ARHGAP15: variants seen among roughly 807,000 people sequenced by gnomAD.
ARHGAP15 encodes the protein rho GTPase-activating protein 15.
ARHGAP15 carries 51 observed loss-of-function variants against 63.7 expected under a neutral mutation model. The ratio of observed to expected loss-of-function variants is 0.80; its 90% CI spans 0.64 to 1.01. The LOEUF (loss-of-function observed/expected upper bound fraction) is 1.01, where lower values mean the gene tolerates loss of function less well. ARHGAP15 is among the 50% of genes least tolerant of loss of function. ARHGAP15 has a pLI of 0.00. For missense variants in ARHGAP15, 560 were observed against 564.6 expected (o/e 0.99, Z 0.08); for synonymous variants, 191 against 193.8 (o/e 0.99, Z 0.12).
At chr2:143,289,573 G>A (rs951785875) in intron 6 of ARHGAP15, among the ~76,000 whole-genome samples, 3 of 152,146 alleles carry the variant, frequency 2.0e-5, no homozygotes, top group Non-Finnish European at 2.9e-5. Context: ...TTGGAAAGCA[G>A]GGCACAGGCT....
At chr2:143,238,619 G>A (rs1320980489) in intron 5 of ARHGAP15, among the ~76,000 whole-genome samples, 2 of 152,206 alleles carry the variant, frequency 1.3e-5, no homozygotes, top group African/African-American at 4.8e-5. Context: ...TCTGATCATT[G>A]TGGAAGACAC....
At chr2:143,195,697 G>A (rs1171985091) in intron 2 of ARHGAP15, among the ~76,000 whole-genome samples, 2 of 152,114 alleles carry the variant, frequency 1.3e-5, no homozygotes, top group Non-Finnish European at 2.9e-5. Context: ...CTAATGGGAG[G>A]TACGCCTCAG....
chr2:143,451,741 A>T (rs547535757), intron 8 of ARHGAP15, among the ~76,000 whole-genome samples: 1 of 152,094 alleles, frequency 6.6e-6, no homozygotes, highest in Admixed American at 6.6e-5. Flanking sequence ...GAAAATGACC[A>T]TAAACTTTTG....
At chr2:143,748,461 A>G (rs938276328) in intron 13 of ARHGAP15, among the ~76,000 whole-genome samples, 1 of 152,124 alleles carries the variant, frequency 6.6e-6, no homozygotes, top group African/African-American at 2.4e-5. Context: ...TGGCCCCACG[A>G]TTATGTATAC....
At chr2:143,606,588 C>A (rs563422051) in intron 11 of ARHGAP15, among the ~76,000 whole-genome samples, 2 of 152,290 alleles carry the variant, frequency 1.3e-5, no homozygotes, top group East Asian at 3.9e-4. Flanking sequence ...GTATAACAAT[C>A]CTTATTTCAA....
intron 6 of ARHGAP15, among the ~76,000 whole-genome samples, chr2:143,280,529 C>T (rs1681788527): frequency 6.6e-6 from 1 of 152,164 alleles, no homozygotes; most frequent in African/African-American, 2.4e-5. Context: ...AACTCCTCTG[C>T]TCTTGGCAGA....
intron 12 of ARHGAP15, among the ~76,000 whole-genome samples, chr2:143,650,146 C>T (rs529006395): frequency 1.3e-5 from 2 of 151,780 alleles, no homozygotes; most frequent in Non-Finnish European, 2.9e-5. Flanking sequence ...AGCTATGGAT[C>T]CTGATGGGCT....
At chr2:143,548,840 G>A (rs912480715) in intron 10 of ARHGAP15, among the ~76,000 whole-genome samples, 5 of 151,878 alleles carry the variant, frequency 3.3e-5, no homozygotes, top group African/African-American at 9.7e-5. Flanking sequence ...AGAAATATGA[G>A]GAAGGTAGAA....
intron 6 of ARHGAP15, among the ~76,000 whole-genome samples, chr2:143,293,346 ACT>A (rs775743944): frequency 4.6e-5 from 7 of 151,976 alleles, no homozygotes; most frequent in Non-Finnish European, 8.8e-5. Flanking sequence ...GTGTTTCTAC[ACT>A]CTTAACATGT....
chr2:143,254,068 A>T (rs898546396), intron 6 of ARHGAP15, among the ~76,000 whole-genome samples: 3 of 152,168 alleles, frequency 2.0e-5, no homozygotes, highest in Non-Finnish European at 4.4e-5. Context: ...CTAGGTCTTC[A>T]TCAGGGATAG....
chr2:143,404,650 T>C (rs1352098996), intron 6 of ARHGAP15, among the ~76,000 whole-genome samples: 2 of 151,896 alleles, frequency 1.3e-5, no homozygotes, highest in Non-Finnish European at 2.9e-5. Flanking sequence ...GAAGTCATGT[T>C]TGATTTAGTC....
intron 8 of ARHGAP15, among the ~76,000 whole-genome samples, chr2:143,450,038 ATAAT>A (rs1690335608): frequency 7.0e-6 from 1 of 143,340 alleles, no homozygotes; most frequent in Non-Finnish European, 1.5e-5. Flanking sequence ...TTACATAAGA[ATAAT>A]TAATCTTTTT....
intron 6 of ARHGAP15, among the ~76,000 whole-genome samples, chr2:143,409,628 CAT>C (rs1286490536): frequency 6.6e-6 from 1 of 151,992 alleles, no homozygotes; most frequent in African/African-American, 2.4e-5. Context: ...AATGACAGCT[CAT>C]ATATGTGGTG....
At chr2:143,432,978 T>C (rs146208279) in intron 6 of ARHGAP15, among the ~76,000 whole-genome samples, 3 of 152,130 alleles carry the variant, frequency 2.0e-5, no homozygotes, top group African/African-American at 7.2e-5. Flanking sequence ...ATAGAAAGAG[T>C]ACATTAGCAC....
intron 6 of ARHGAP15, among the ~76,000 whole-genome samples, chr2:143,428,523 G>T (rs1421361462): frequency 6.6e-6 from 1 of 151,922 alleles, no homozygotes; most frequent in Non-Finnish European, 1.5e-5. Flanking sequence ...ATGAGACAGT[G>T]AGGAAAGCAA....
At chr2:143,731,059 T>A (rs538742044) in intron 13 of ARHGAP15, among the ~76,000 whole-genome samples, 18 of 151,874 alleles carry the variant, frequency 1.2e-4, no homozygotes, top group Non-Finnish European at 2.5e-4. Context: ...TTTATCCTCA[T>A]TTTTAAGAGG....
chr2:143,236,243 G>T (rs913922770), intron 5 of ARHGAP15: 1 of 296,622 alleles, frequency 3.4e-6, no homozygotes, highest in Non-Finnish European at 6.2e-6. Context: ...ACATAATTTT[G>T]TATAGGTTTA....
At chr2:143,383,285 T>C (rs756091441) in intron 6 of ARHGAP15, among the ~76,000 whole-genome samples, 21 of 152,192 alleles carry the variant, frequency 1.4e-4, no homozygotes, top group African/African-American at 5.1e-4. Flanking sequence ...TCACTTCTAT[T>C]GGAAAATGGA....
intron 11 of ARHGAP15, among the ~76,000 whole-genome samples, chr2:143,560,880 C>T (rs1048400352): frequency 6.6e-6 from 1 of 152,282 alleles, no homozygotes; most frequent in Non-Finnish European, 1.5e-5. Flanking sequence ...TTGTGAGCAG[C>T]GCTCTGCCCT....
Sources: gnomAD v4.1 joint callset for allele counts (sites outside exome capture counted in the v4.1 genomes callset) on GRCh38, gnomAD v4.1.1 for gene constraint, MANE v1.5 for transcripts, NCBI Gene and HGNC (gene_info 2026-07-23, HGNC 2026-07-21) for gene names.